SPOCK3: variants seen among roughly 807,000 people sequenced by gnomAD.
The protein encoded by SPOCK3 is testican-3.
SPOCK3 carries 30 observed loss-of-function variants against 56.6 expected under a neutral mutation model. That is an observed-to-expected ratio of 0.53 (90% confidence interval 0.40 to 0.72). The LOEUF (loss-of-function observed/expected upper bound fraction) is 0.72. SPOCK3 is among the 30% of genes least tolerant of loss of function. SPOCK3 has a pLI of 0.00. For synonymous variants in SPOCK3, 196 were observed against 183.3 expected (o/e 1.07, Z -0.56); for missense variants, 527 against 530.0 (o/e 0.99, Z 0.06).
intron 6 of SPOCK3, among the ~76,000 whole-genome samples, chr4:166,830,808 G>C: frequency 6.6e-6 from 1 of 152,038 alleles, no homozygotes; most frequent in African/African-American, 2.4e-5. Flanking sequence ...GGGAAAGTGT[G>C]ATCAACAAGG....
intron 2 of SPOCK3, among the ~76,000 whole-genome samples, chr4:167,139,171 G>A (rs968770494): frequency 2.6e-5 from 4 of 151,838 alleles, no homozygotes; most frequent in South Asian, 2.1e-4. Flanking sequence ...TCATTTAGTC[G>A]GTGATCCATT....
chr4:167,134,413 G>C (rs1762949493), intron 2 of SPOCK3, among the ~76,000 whole-genome samples: 1 of 151,974 alleles, frequency 6.6e-6, no homozygotes, highest in African/African-American at 2.4e-5. Flanking sequence ...TGTTACTGGA[G>C]GGCAAATGGC....
chr4:167,092,805 AAAATT>A (rs1020635358), intron 2 of SPOCK3, among the ~76,000 whole-genome samples: 2 of 152,156 alleles, frequency 1.3e-5, no homozygotes, highest in African/African-American at 4.8e-5. Context: ...GCTTGAATGA[AAAATT>A]AAACAAGCTC....
intron 6 of SPOCK3, among the ~76,000 whole-genome samples, chr4:166,804,830 C>G (rs897789339): frequency 6.6e-6 from 1 of 152,070 alleles, no homozygotes; most frequent in Non-Finnish European, 1.5e-5. Flanking sequence ...ATTAGGCAGC[C>G]AACTCTACTA....
At chr4:167,093,347 G>T (rs1289046540) in intron 2 of SPOCK3, among the ~76,000 whole-genome samples, 4 of 151,990 alleles carry the variant, frequency 2.6e-5, no homozygotes, top group African/African-American at 9.7e-5. Context: ...GAACATGCAG[G>T]TTTGTTACAT....
chr4:166,979,652 T>C (rs1746361956), intron 4 of SPOCK3, among the ~76,000 whole-genome samples: 1 of 152,198 alleles, frequency 6.6e-6, no homozygotes, highest in African/African-American at 2.4e-5. Context: ...CCTACTTCAC[T>C]GGTTGTTCCT....
chr4:166,882,322 A>G (rs1282503865), intron 6 of SPOCK3, among the ~76,000 whole-genome samples: 1 of 152,154 alleles, frequency 6.6e-6, no homozygotes, highest in African/African-American at 2.4e-5. Context: ...CTCTTAATAT[A>G]TCTCAACATA....
chr4:166,896,926 A>T lies in SPOCK3; in HGVS notation c.475-7682T>A, dbSNP rs937504069. 3.3e-5 allele frequency among the ~76,000 whole-genome samples: 5 copies of T among 152,018 alleles called. No individual in the cohort carries two copies. The East Asian group carries it at 7.8e-4, about 24-fold the overall frequency. ...AGCTCAACCCTTCCCCCCTTCACCA[A>T]CTGGGGGGCCCCTCTGATTTACTTT... is the stretch of plus-strand genomic sequence containing the variant. On this transcript the variant is annotated intron_variant, in intron 5 of 10. Coordinates refer to ENST00000357545, the MANE Select transcript of SPOCK3 (RefSeq NM_001040159.2).
intron 6 of SPOCK3, among the ~76,000 whole-genome samples, chr4:166,861,751 G>A (rs895546401): frequency 5.3e-5 from 8 of 151,992 alleles, no homozygotes; most frequent in Admixed American, 3.3e-4. Context: ...TTTTCTGATT[G>A]GACATTTTAA....
At chr4:167,162,761 C>T (rs939460018) in intron 2 of SPOCK3, among the ~76,000 whole-genome samples, 1 of 151,984 alleles carries the variant, frequency 6.6e-6, no homozygotes, top group Non-Finnish European at 1.5e-5. Flanking sequence ...TGTATTTACT[C>T]TCGACTTTTT....
intron 4 of SPOCK3, among the ~76,000 whole-genome samples, chr4:166,913,898 A>G (rs1038178093): frequency 3.9e-5 from 6 of 152,162 alleles, no homozygotes; most frequent in African/African-American, 1.2e-4. Flanking sequence ...GCTTTGCTAC[A>G]AAGTTCATCT....
At chr4:167,033,384 C>T (rs1403262002) in intron 3 of SPOCK3, among the ~76,000 whole-genome samples, 2 of 119,848 alleles carry the variant, frequency 1.7e-5, no homozygotes, top group Non-Finnish European at 3.5e-5. Flanking sequence ...ATAATATAAG[C>T]AATTATTCAT....
At chr4:166,902,696 C>T (rs1298566813) in intron 5 of SPOCK3, among the ~76,000 whole-genome samples, 1 of 151,456 alleles carries the variant, frequency 6.6e-6, no homozygotes, top group East Asian at 1.9e-4. Flanking sequence ...TACATGTACA[C>T]TCACATATAT....
At chr4:167,150,660 G>C (rs1450548787) in intron 2 of SPOCK3, among the ~76,000 whole-genome samples, 1 of 152,206 alleles carries the variant, frequency 6.6e-6, no homozygotes, top group East Asian at 1.9e-4. Flanking sequence ...TGTAATGGGA[G>C]ATGAATATTT....
At chr4:167,037,589 C>T (rs189222914) in intron 3 of SPOCK3, among the ~76,000 whole-genome samples, 1 of 151,838 alleles carries the variant, frequency 6.6e-6, no homozygotes, top group Admixed American at 6.6e-5. Context: ...CTGCCCAGAT[C>T]AGCTCACTGT....
intron 4 of SPOCK3, among the ~76,000 whole-genome samples, chr4:166,921,253 C>G (rs1738447111): frequency 6.6e-6 from 1 of 151,908 alleles, no homozygotes; most frequent in African/African-American, 2.4e-5. Flanking sequence ...ATATTTTATC[C>G]TATAGCATTT....
intron 2 of SPOCK3, among the ~76,000 whole-genome samples, chr4:167,118,013 T>C (rs1761573970): frequency 6.6e-6 from 1 of 152,162 alleles, no homozygotes; most frequent in African/African-American, 2.4e-5. Flanking sequence ...ATAAAATGTT[T>C]GGTATGCAGG....
chr4:167,222,896 AATAT>A (rs1736136827), intron 2 of SPOCK3, among the ~76,000 whole-genome samples: 1 of 128,216 alleles, frequency 7.8e-6, no homozygotes, highest in South Asian at 2.3e-4. Flanking sequence ...TGAATATATA[AATAT>A]ATAAACATAG....
chr4:167,050,766 C>T (rs1387057165), intron 3 of SPOCK3, among the ~76,000 whole-genome samples: 6 of 152,104 alleles, frequency 3.9e-5, no homozygotes, highest in Non-Finnish European at 7.4e-5. Flanking sequence ...GCCTTGAAGA[C>T]ATTACACTAA....
Sources: allele counts gnomAD v4.1 joint callset (sites outside exome capture counted in the v4.1 genomes callset), GRCh38; gene constraint gnomAD v4.1.1; transcripts MANE v1.5; gene names NCBI Gene and HGNC (gene_info 2026-07-23, HGNC 2026-07-21).